The following HSPA4 variants were observed in gnomAD, a reference collection of about 807,000 sequenced individuals.
HSPA4 encodes the protein heat shock 70 kDa protein 4.
A neutral mutation model predicts 106.2 loss-of-function variants in HSPA4; 25 were observed. The observed-to-expected ratio is 0.24, with a 90% confidence interval of 0.17 to 0.33. The LOEUF (loss-of-function observed/expected upper bound fraction) is 0.33. Ranked by LOEUF, HSPA4 falls within the 10% of genes least tolerant of loss-of-function variation. The probability of loss-of-function intolerance (pLI) is 1.00; values close to 1 mark genes in which losing one functional copy is unlikely to be tolerated. For missense variants in HSPA4, 841 were observed against 996.0 expected (o/e 0.84, Z 2.10); for synonymous variants, 332 against 333.6 (o/e 1.00, Z 0.05).
chr5:133,059,929 C>G (rs549158556), intron 1 of HSPA4, among the ~76,000 whole-genome samples: 4 of 152,278 alleles, frequency 2.6e-5, no homozygotes, highest in Admixed American at 6.5e-5. Flanking sequence ...TTCTTGTTGA[C>G]TGGAAAGTAG....
At chr5:133,084,571 A>G (rs1042870372) in intron 7 of HSPA4, among the ~76,000 whole-genome samples, 3 of 151,984 alleles carry the variant, frequency 2.0e-5, no homozygotes, top group African/African-American at 7.3e-5. Context: ...TCCAGGTTCA[A>G]GCGATTCTCC....
chr5:133,097,873 G>C (rs1159334331), intron 15 of HSPA4, among the ~76,000 whole-genome samples: 1 of 150,636 alleles, frequency 6.6e-6, no homozygotes, highest in Non-Finnish European at 1.5e-5. Context: ...AATTGTTAAA[G>C]CTCACTTTTT....
Position 133,091,391 on chromosome 5 carries a change from A to G in HSPA4, c.1560+17A>G, listed in dbSNP as rs1286181497. ...GAGGAAGAGGTAATCTAGACATTGT[A>G]TACCACTTGTGATGGCCCAGAGGTG... On this transcript the variant is annotated intron_variant, in intron 12 of 18. Coordinates refer to ENST00000304858, the MANE Select transcript of HSPA4 (RefSeq NM_002154.4). 1.3e-6 allele frequency: 2 copies of G among 1,593,872 alleles called. No homozygotes were observed. Among genetic ancestry groups the G allele is most frequent in the African/African-American group, 1.3e-5 (1 of 74,286 alleles).
In HSPA4 at chr5:133,089,113, C is replaced by G. The variant is rs1336300021; in HGVS notation, c.1196C>G (p.Pro399Arg). The change falls in exon 10 of 19, where the codon CCA becomes CGA. Residue 399 changes from proline (P) to arginine (R), a missense_variant. Physicochemically the swap from Pro to Arg is moderately radical, Grantham distance 103 (BLOSUM62 -2). Around this residue, in one of 5 missense-constraint regions of HSPA4, gnomAD observed 162 missense variants for 177.7 expected, o/e 0.91. Transcript: ENST00000304858. The stretch of plus-strand genomic sequence containing the variant: ...GAATTTTCTATCACTGATGTAGTAC[C>G]ATATCCAATATCTCTGAGATGGAAT... Reference protein sequence around the residue: ...VREFSITDVVPYPISLRWNSP... With the variant: ...VREFSITDVVRYPISLRWNSP... 1.2e-6 allele frequency: 2 copies of G among 1,604,456 alleles called. No individual in the cohort carries two copies.
At chr5:133,070,918 T>G (rs963657806) in intron 4 of HSPA4, among the ~76,000 whole-genome samples, 5 of 152,014 alleles carry the variant, frequency 3.3e-5, no homozygotes, top group African/African-American at 1.2e-4. Flanking sequence ...AAAAAAAAAT[T>G]TATGAAACTA....
intron 17 of HSPA4, among the ~76,000 whole-genome samples, chr5:133,103,400 G>T (rs553785422): frequency 6.7e-6 from 1 of 148,586 alleles, no homozygotes; most frequent in Non-Finnish European, 1.5e-5. Context: ...ATGTAGTCTC[G>T]CTCTGTTGCC....
At chr5:133,071,946 C>T (rs1179476003) in intron 4 of HSPA4, among the ~76,000 whole-genome samples, 1 of 152,160 alleles carries the variant, frequency 6.6e-6, no homozygotes, top group Admixed American at 6.6e-5. Context: ...TCCTACCTTT[C>T]CTCAGCTCTT....
At position 133,076,676 on chromosome 5, in the gene HSPA4, C is replaced by T. The variant is rs139928038; in HGVS notation, c.686C>T (p.Thr229Met). 520 of 1,613,086 alleles carry T rather than the reference C, an allele frequency of 3.2e-4. 1 individual carries two copies. Among genetic ancestry groups the T allele is most frequent in the Non-Finnish European group, 4.1e-4 (488 of 1,179,410 alleles). The change falls in exon 7 of 19, where the codon ACG becomes ATG. Residue 229 changes from threonine to methionine, a missense_variant. By Grantham distance (81) the Thr-to-Met change is moderately conservative. Transcript: ENST00000304858. ...AAGGTTCTGGCCACTGCATTTGACA[C>T]GACATTGGGAGGTAGAAAATTTGAT... Reference protein sequence around the residue: ...KLKVLATAFDTTLGGRKFDEV... With the variant: ...KLKVLATAFDMTLGGRKFDEV...
chr5:133,092,609 C>A, intron 12 of HSPA4, 91 bp from the exon 13 acceptor site: 2 of 846,642 alleles, frequency 2.4e-6, no homozygotes, highest in Non-Finnish European at 3.9e-6. Context: ...GGTAATTCAG[C>A]AGGAATTACA....
At chr5:133,073,448 C>T in intron 5 of HSPA4, 119 bp downstream of exon 5, 3 of 657,914 alleles carry the variant, frequency 4.6e-6, no homozygotes, top group Non-Finnish European at 8.0e-6. Context: ...TTGCTTACCA[C>T]TGTGGTCATG....
chr5:133,097,555 T>C (rs562594386), intron 15 of HSPA4, among the ~76,000 whole-genome samples: 28 of 150,444 alleles, frequency 1.9e-4, no homozygotes, highest in Admixed American at 1.8e-3. Context: ...TTTTCTTTTT[T>C]TTTTTTTTTT....
chr5:133,091,321 T>G lies in HSPA4; in HGVS notation c.1507T>G (p.Ser503Ala). 1.2e-6 allele frequency: 2 copies of G among 1,613,992 alleles called. No individual in the cohort carries two copies. The highest frequency in any genetic ancestry group is 1.7e-6 in the Non-Finnish European group (2 of 1,179,946). Residue 503 changes from serine (S) to alanine (A), a missense_variant, in exon 12 of 19, where the codon TCT (serine) becomes GCT (alanine). Ser to Ala is a moderately conservative substitution (Grantham distance 99, BLOSUM62 1). Coordinates refer to ENST00000304858, the MANE Select transcript of HSPA4 (RefSeq NM_002154.4). ...TGCATCTTTAGTGGAGGTTCACAAGTCTGAGGAAAATGAGGAGCCAATGGA... is the reference window on the plus strand; with the variant it reads ...TGCATCTTTAGTGGAGGTTCACAAGGCTGAGGAAAATGAGGAGCCAATGGA... The part of the protein sequence containing the change: ...SSASLVEVHK[S>A]EENEEPMETD...
chr5:133,101,982 A>G (rs1306163482), intron 17 of HSPA4, 104 bp downstream of exon 17: 1 of 792,758 alleles, frequency 1.3e-6, no homozygotes, highest in East Asian at 3.1e-5. Flanking sequence ...GCTGGAGTAC[A>G]GTGGTACAAT....
At chr5:133,064,739 T>C (rs1199473168) in intron 1 of HSPA4, among the ~76,000 whole-genome samples, 2 of 152,174 alleles carry the variant, frequency 1.3e-5, no homozygotes, top group African/African-American at 4.8e-5. Context: ...AGCCCACCTC[T>C]CTAGTATTCT....
chr5:133,070,412 G>A lies in HSPA4; in HGVS notation c.345G>A (p.Glu115=), dbSNP rs776957565. 1 of 1,611,044 alleles carries A rather than the reference G, an allele frequency of 6.2e-7. No individual in the cohort carries two copies. The highest frequency in any genetic ancestry group is 8.5e-7 in the Non-Finnish European group (1 of 1,179,288). Residue 115 remains glutamate (E), a synonymous_variant, in exon 4 of 19, where the codon GAG becomes GAA. Transcript: ENST00000304858. ...YMEEERNFTT[E]QVTAMLLSKL... is the part of the protein sequence containing the mutation. ...AGGAAGAGCGAAATTTTACCACTGAGCAAGTGACTGCCATGCTTTTGTCCA... is the reference window on the plus strand; with the variant it reads ...AGGAAGAGCGAAATTTTACCACTGAACAAGTGACTGCCATGCTTTTGTCCA...
At chr5:133,093,108 G>T (rs1483519833) in intron 13 of HSPA4, among the ~76,000 whole-genome samples, 1 of 151,662 alleles carries the variant, frequency 6.6e-6, no homozygotes, top group African/African-American at 2.4e-5. Context: ...TAGTATTACA[G>T]GCGTGAGCCA....
intron 3 of HSPA4, 80 bp downstream of exon 3, chr5:133,067,637 G>A (rs1236123169): frequency 8.3e-7 from 1 of 1,209,232 alleles, no homozygotes; most frequent in Non-Finnish European, 1.2e-6. Context: ...GTACTTTTCT[G>A]ATGTCAGATT....
intron 7 of HSPA4, among the ~76,000 whole-genome samples, chr5:133,078,482 A>G (rs534088876): frequency 6.8e-6 from 1 of 147,190 alleles, no homozygotes; most frequent in South Asian, 2.2e-4. Context: ...TAAAAATACA[A>G]AAACTAGCTG....
rs1326359868 is a variant in HSPA4 at position 133,080,197 on chromosome 5, T to TG, written c.908+3300dup. On this transcript the variant is annotated intron_variant, in intron 7 of 18. Transcript: ENST00000304858. ...GGGACGTCGAGGTGGGCGGATGGCTTGAGCTCAGGAGTTCGAGACCAGCCT... is the reference window on the plus strand; with the variant it reads ...GGGACGTCGAGGTGGGCGGATGGCTTGGAGCTCAGGAGTTCGAGACCAGCCT... Among the ~76,000 whole-genome samples, 4 of 151,856 alleles carry TG rather than the reference T, an allele frequency of 2.6e-5. No individual in the cohort carries two copies. In the South Asian group the frequency reaches 8.3e-4, roughly 32 times the overall value.
Sources: allele counts gnomAD v4.1 joint callset (sites outside exome capture counted in the v4.1 genomes callset), GRCh38; gene constraint gnomAD v4.1.1; regional missense constraint gnomAD v4.1.1; transcripts MANE v1.5; gene names NCBI Gene and HGNC (gene_info 2026-07-23, HGNC 2026-07-21).